Variants in CXADR observed in about 807,000 individuals in gnomAD.
CXADR encodes the protein CXADR cell adhesion molecule.
CXADR carries 20 observed loss-of-function variants against 40.3 expected under a neutral mutation model. That is an observed-to-expected ratio of 0.50 (90% CI 0.35 to 0.72). CXADR has a LOEUF of 0.72. CXADR is among the 30% of genes least tolerant of loss of function. The pLI is 0.01. For synonymous variants in CXADR, 150 were observed against 161.3 expected (o/e 0.93, Z 0.53); for missense variants, 332 against 449.1 (o/e 0.74, Z 2.36).
chr21:17,547,056 C>G lies in CXADR; in HGVS notation c.73C>G (p.Pro25Ala), dbSNP rs113872627. The G allele has an allele frequency of 2.5e-6, 4 of 1,613,130 alleles. No homozygotes were observed. The highest frequency in any genetic ancestry group is 2.7e-5 in the African/African-American group (2 of 74,956). The change falls in exon 2 of 7, where the codon CCT becomes GCT. Residue 25 changes from proline (P) to alanine (A), a missense_variant. Physicochemically the swap from Pro to Ala is conservative, Grantham distance 27. This residue lies in a region of CXADR where 162 missense variants were observed against 198.5 expected (regional missense o/e 0.82). Transcript: ENST00000284878. ...DFARSLSITT[P>A]EEMIEKAKGE... Reference sequence around the variant, plus strand: ...CGCCAGAAGTTTGAGTATCACTACTCCTGAAGAGATGATTGAAAAAGCCAA... The same window carrying G: ...CGCCAGAAGTTTGAGTATCACTACTGCTGAAGAGATGATTGAAAAAGCCAA...
chr21:17,603,520 C>G, the CXADR span, among the ~76,000 whole-genome samples: 2 of 152,180 alleles, frequency 1.3e-5, no homozygotes, highest in Admixed American at 1.3e-4. Flanking sequence ...GTCTTCACCT[C>G]CACCTTCATT....
rs1303591610 is a variant in CXADR, at chr21:17,566,165, T to TA, written c.*474dup. On this transcript the variant is annotated 3_prime_UTR_variant, in exon 7 of 7. Transcript: ENST00000284878. ...CAGAAATATCCATGACAAAATTACT[T>TA]ACGTATGTTTGTACTTGGTTTTACA... The TA allele has an allele frequency of 3.0e-6, 3 of 984,934 alleles. No individual in the cohort carries two copies. The highest frequency in any genetic ancestry group is 2.3e-4 in the East Asian group (2 of 8,812). 61.0% of individuals were successfully genotyped at this position (984,934 alleles called of 1,614,324 possible).
At chr21:17,604,404 C>G in the CXADR span, 1 of 187,690 alleles carries the variant, frequency 5.3e-6, no homozygotes, top group East Asian at 1.7e-4. Flanking sequence ...AAGAATGCAC[C>G]ATTGCGCTCC....
chr21:17,513,650 T>A (rs774622911), intron 1 of CXADR, among the ~76,000 whole-genome samples: 2 of 152,222 alleles, frequency 1.3e-5, no homozygotes, highest in Non-Finnish European at 2.9e-5. Flanking sequence ...TCAATGGACA[T>A]GGAGCTGCCC....
downstream of CXADR, among the ~76,000 whole-genome samples, chr21:17,596,814 G>C (rs1385350362): frequency 6.6e-6 from 1 of 151,974 alleles, no homozygotes; most frequent in Non-Finnish European, 1.5e-5. Context: ...TGGATCTACA[G>C]ATCTATTTCA....
chr21:17,552,502 T>C (rs2060981452), intron 3 of CXADR, among the ~76,000 whole-genome samples: 1 of 152,224 alleles, frequency 6.6e-6, no homozygotes, highest in Non-Finnish European at 1.5e-5. Flanking sequence ...TGTAAACTGC[T>C]TTGTAAACTG....
Position 17,566,723 on chromosome 21 carries a change from A to G in CXADR, c.*1031A>G. 1 of 968,964 alleles carries G rather than the reference A, an allele frequency of 1.0e-6. No homozygotes were observed. The highest frequency in any genetic ancestry group is 1.2e-6 in the Non-Finnish European group (1 of 815,090). 60.0% of individuals were successfully genotyped at this position (968,964 alleles called of 1,614,324 possible). A position where few individuals can be genotyped will look rare whatever the true frequency, so the allele number is the denominator to read the frequency against. ...ATGTTCTAGAAACATGTAATCCTAAATTTACCCTCTTGAATATAATCCCTG... is the reference window on the plus strand; with the variant it reads ...ATGTTCTAGAAACATGTAATCCTAAGTTTACCCTCTTGAATATAATCCCTG... On this transcript the variant is annotated 3_prime_UTR_variant, in exon 7 of 7. Transcript: ENST00000284878.
At chr21:17,610,092 C>T in the CXADR span, among the ~76,000 whole-genome samples, 5 of 152,238 alleles carry the variant, frequency 3.3e-5, no homozygotes, top group South Asian at 2.1e-4. Flanking sequence ...ACATATTGTA[C>T]GATTCCATTG....
intron 6 of CXADR, among the ~76,000 whole-genome samples, chr21:17,564,496 G>A (rs1477327860): frequency 2.0e-5 from 3 of 151,964 alleles, no homozygotes; most frequent in Admixed American, 6.6e-5. Context: ...AGCTGTACAT[G>A]TTAGGTATTT....
chr21:17,518,979 C>T (rs1456295949), intron 1 of CXADR: 2 of 1,608,804 alleles, frequency 1.2e-6, no homozygotes, highest in Admixed American at 1.7e-5. Context: ...GTTTGGCTAA[C>T]TTTTCTTGAT....
intron 7 of CXADR, among the ~76,000 whole-genome samples, chr21:17,583,456 G>C (rs542407512): frequency 3.3e-5 from 5 of 152,272 alleles, no homozygotes; most frequent in Non-Finnish European, 7.4e-5. Context: ...CAAATTTTAA[G>C]AGATTAACTT....
downstream of CXADR, among the ~76,000 whole-genome samples, chr21:17,574,428 T>G (rs1279360254): frequency 6.6e-6 from 1 of 152,120 alleles, no homozygotes. Flanking sequence ...TCATGATGGG[T>G]GAGTGGATAT....
rs896105731 is a variant in CXADR at position 17,566,803 on chromosome 21, A to G, written c.*1111A>G. ...AATCAAATACATTTTAAGCAAGTTA[A>G]GTGTCCTCCATCAATTCTGTATTCC... On this transcript the variant is annotated 3_prime_UTR_variant, in exon 7 of 7. Transcript: ENST00000284878. 6 of 965,398 alleles carry G rather than the reference A, an allele frequency of 6.2e-6. No individual in the cohort carries two copies. Among genetic ancestry groups the G allele is most frequent in the Non-Finnish European group, 7.4e-6 (6 of 811,892 alleles). The allele number at this position is 965,398 out of a possible 1,614,324, so 59.8% of individuals were successfully genotyped here. A position where few individuals can be genotyped will look rare whatever the true frequency, so the allele number is the denominator to read the frequency against.
At chr21:17,634,543 G>A in the CXADR span, among the ~76,000 whole-genome samples, 6 of 152,204 alleles carry the variant, frequency 3.9e-5, no homozygotes, top group Non-Finnish European at 7.4e-5. Context: ...TGGTGGACTT[G>A]AACTTGTTTT....
Position 17,558,999 on chromosome 21 carries a change from T to G in CXADR, c.439T>G (p.Tyr147Asp). 6.2e-7 allele frequency: 1 copy of G among 1,613,218 alleles called. No individual in the cohort carries two copies. Among genetic ancestry groups the G allele is most frequent in the Non-Finnish European group, 8.5e-7 (1 of 1,179,666 alleles). The change falls in exon 4 of 7, where the codon TAC (tyrosine) becomes GAC (aspartate). Residue 147 changes from tyrosine (Y) to aspartate (D), a missense_variant. Coordinates refer to ENST00000284878, the MANE Select transcript of CXADR (RefSeq NM_001338.5). ...AGTTAAGCCTTCAGGTGCGAGATGTTACGTTGATGGATCTGAAGAAATTGG... is the reference window on the plus strand; with the variant it reads ...AGTTAAGCCTTCAGGTGCGAGATGTGACGTTGATGGATCTGAAGAAATTGG... The part of the protein sequence containing the change: ...VLVKPSGARC[Y>D]VDGSEEIGSD...
intron 1 of CXADR, among the ~76,000 whole-genome samples, chr21:17,526,181 A>G (rs947072209): frequency 9.2e-5 from 14 of 152,332 alleles, no homozygotes; most frequent in Non-Finnish European, 1.8e-4. Flanking sequence ...ATCTTCCACC[A>G]TAGTCCTAGA....
Position 17,534,849 on chromosome 21 carries a change from A to G in CXADR, c.44-12178A>G, listed in dbSNP as rs1013446211. ...CACCAGGCTGGAGTGCAATGGTGCA[A>G]TCTTGGCTCACTGCAGCCCCTGCCT... On this transcript the variant is annotated intron_variant, in intron 1 of 6. Coordinates refer to ENST00000284878, the MANE Select transcript of CXADR (RefSeq NM_001338.5). Among the ~76,000 whole-genome samples the G allele has an allele frequency of 3.5e-5, 5 of 144,268 alleles. No homozygotes were observed. The East Asian group carries it at 6.6e-4, about 19-fold the overall frequency. The allele number at this position is 144,268 out of a possible 152,430, so 94.6% of individuals were successfully genotyped here.
At chr21:17,595,620 A>G (rs1363262520), downstream of CXADR, among the ~76,000 whole-genome samples, 3 of 152,018 alleles carry the variant, frequency 2.0e-5, no homozygotes, top group Non-Finnish European at 4.4e-5. Flanking sequence ...TAGATAGTAT[A>G]GCAATGACTA....
At chr21:17,628,540 G>A in the CXADR span, among the ~76,000 whole-genome samples, 22 of 151,796 alleles carry the variant, frequency 1.4e-4, no homozygotes, top group Admixed American at 5.9e-4. Flanking sequence ...TCGCTCTGTC[G>A]TCCAGGCTGG....
Sources: allele counts gnomAD v4.1 joint callset (sites outside exome capture counted in the v4.1 genomes callset), GRCh38; gene constraint gnomAD v4.1.1; regional missense constraint gnomAD v4.1.1; transcripts MANE v1.5; gene names NCBI Gene and HGNC (gene_info 2026-07-23, HGNC 2026-07-21).